Variants in PTK2B observed in about 807,000 individuals in gnomAD.
PTK2B encodes protein tyrosine kinase 2 beta.
PTK2B carries 71 observed loss-of-function variants against 142.9 expected under a neutral mutation model. The ratio of observed to expected loss-of-function variants is 0.50; its 90% confidence interval spans 0.41 to 0.61. PTK2B has a LOEUF of 0.61. Ranked by LOEUF, PTK2B falls within the 20% of genes least tolerant of loss-of-function variation. The pLI is 0.00. For synonymous variants in PTK2B, 519 were observed against 503.4 expected (o/e 1.03, Z -0.42); for missense variants, 1,105 against 1,320.4 (o/e 0.84, Z 2.53).
chr8:27,455,260 C>T (rs534167605), intron 30 of PTK2B, among the ~76,000 whole-genome samples: 58 of 152,200 alleles, frequency 3.8e-4, no homozygotes, highest in Middle Eastern at 3.4e-3. Flanking sequence ...CCTGATCTTA[C>T]AGGGATCTCT....
At chr8:27,431,250 G>C in intron 8 of PTK2B, 148 bp from the exon 9 acceptor site, 1 of 1,525,232 alleles carries the variant, frequency 6.6e-7, no homozygotes, top group Admixed American at 2.0e-5. Flanking sequence ...GTCAGGAGGG[G>C]AAGATCCATA....
Position 27,454,538 on chromosome 8 carries a change from G to T in PTK2B, c.2741G>T (p.Gly914Val). ...EGYVVVVKNV[G>V]LTLRKLIGSV... ...GCCCCTTTCTCCCCCCAGAATGTGG[G>T]GCTGACCCTGCGGAAGCTCATCGGG... The change falls in exon 30 of 31, where the codon GGG becomes GTG. Residue 914 changes from glycine to valine, a missense_variant. Transcript: ENST00000346049. 1.9e-6 allele frequency: 3 copies of T among 1,614,148 alleles called. No individual in the cohort carries two copies. Among genetic ancestry groups the T allele is most frequent in the Non-Finnish European group, 2.5e-6 (3 of 1,180,014 alleles).
intron 3 of PTK2B, among the ~76,000 whole-genome samples, chr8:27,318,556 A>T (rs746366673): frequency 6.6e-6 from 1 of 152,214 alleles, no homozygotes; most frequent in Non-Finnish European, 1.5e-5. Context: ...CTGGGGAGTT[A>T]TGGAAATCCT....
upstream of PTK2B, chr8:27,311,388 G>A (rs1348506887): frequency 1.7e-5 from 17 of 974,076 alleles, no homozygotes; most frequent in South Asian, 1.6e-4. Context: ...GTGCGGGGGG[G>A]ATGGCGAGGG....
At chr8:27,437,909 T>A (rs753104401) in intron 18 of PTK2B, 29 bp downstream of exon 18, 1 of 1,566,180 alleles carries the variant, frequency 6.4e-7, no homozygotes, top group Non-Finnish European at 8.7e-7. Flanking sequence ...GCCAGCGGTA[T>A]GGAAGCCAGG....
At chr8:27,366,592 T>C (rs1806030642) in intron 1 of PTK2B, among the ~76,000 whole-genome samples, 1 of 152,242 alleles carries the variant, frequency 6.6e-6, no homozygotes, top group African/African-American at 2.4e-5. Flanking sequence ...TCTTACCACT[T>C]GGCGTCTAGC....
chr8:27,382,307 ATTAT>A (rs981663218), intron 1 of PTK2B, among the ~76,000 whole-genome samples: 1 of 152,090 alleles, frequency 6.6e-6, no homozygotes, highest in African/African-American at 2.4e-5. Context: ...AAAAATTATT[ATTAT>A]TTACCATTGA....
At chr8:27,458,255 T>C (rs765798985) in intron 30 of PTK2B, 39 bp from the exon 31 acceptor site, 11 of 1,587,534 alleles carry the variant, frequency 6.9e-6, no homozygotes, top group Middle Eastern at 3.3e-4. Context: ...AGCACAGACT[T>C]TGTGGCCTCT....
Position 27,430,166 on chromosome 8 carries a change from G to C in PTK2B, c.614+11G>C. 2 of 1,610,026 alleles carry C rather than the reference G, an allele frequency of 1.2e-6. No individual in the cohort carries two copies. Among genetic ancestry groups the C allele is most frequent in the Non-Finnish European group, 1.7e-6 (2 of 1,176,384 alleles). ...CTTCGAGCTCCTAGAGTAAGTTCTG[G>C]GATCACCCATCTCCCCTCCCTTCCT... On this transcript the variant is annotated intron_variant, in intron 6 of 30. Coordinates refer to ENST00000346049, the MANE Select transcript of PTK2B (RefSeq NM_173176.3).
At chr8:27,336,062 G>A (rs1804043850) in intron 1 of PTK2B, among the ~76,000 whole-genome samples, 1 of 152,126 alleles carries the variant, frequency 6.6e-6, no homozygotes, top group Non-Finnish European at 1.5e-5. Flanking sequence ...CTGGAGAATG[G>A]CTGTAGGTGC....
chr8:27,389,749 CT>C (rs1807596622), intron 1 of PTK2B, among the ~76,000 whole-genome samples: 1 of 152,102 alleles, frequency 6.6e-6, no homozygotes, highest in African/African-American at 2.4e-5. Context: ...GGGAGAAAGC[CT>C]TGGAGAGGAG....
At chr8:27,415,912 G>A (rs1809375859) in intron 2 of PTK2B, among the ~76,000 whole-genome samples, 1 of 152,164 alleles carries the variant, frequency 6.6e-6, no homozygotes, top group Non-Finnish European at 1.5e-5. Flanking sequence ...GATATGCCAT[G>A]TTCATGTATT....
At chr8:27,399,930 A>G (rs1293732254) in intron 2 of PTK2B, among the ~76,000 whole-genome samples, 1 of 152,104 alleles carries the variant, frequency 6.6e-6, no homozygotes, top group Non-Finnish European at 1.5e-5. Flanking sequence ...AGGATTGGAG[A>G]TGGTGGAGGA....
At position 27,458,564 on chromosome 8, in the gene PTK2B, C is replaced by T; in HGVS notation, c.*55C>T. The T allele has an allele frequency of 6.6e-7, 1 of 1,517,236 alleles. No individual in the cohort carries two copies. The highest frequency in any genetic ancestry group is 8.9e-7 in the Non-Finnish European group (1 of 1,123,780). 94.0% of individuals were successfully genotyped at this position (1,517,236 alleles called of 1,614,324 possible). A position where few individuals can be genotyped will look rare whatever the true frequency, so the allele number is the denominator to read the frequency against. On this transcript the variant is annotated 3_prime_UTR_variant, in exon 31 of 31. Coordinates refer to ENST00000346049, the MANE Select transcript of PTK2B (RefSeq NM_173176.3). Reference sequence around the variant, plus strand: ...TCCGCCCCTGCCTGCCATGTACCTCCCCTGCCTTGCTGTTGGTCATGTGGG... The same window carrying T: ...TCCGCCCCTGCCTGCCATGTACCTCTCCTGCCTTGCTGTTGGTCATGTGGG...
At chr8:27,358,069 T>C (rs1805487564) in intron 1 of PTK2B, among the ~76,000 whole-genome samples, 1 of 152,216 alleles carries the variant, frequency 6.6e-6, no homozygotes, top group Admixed American at 6.5e-5. Flanking sequence ...ACTTAGTTCT[T>C]AGCACAATGT....
intron 18 of PTK2B, 66 bp from the exon 19 acceptor site, chr8:27,438,965 T>C (rs542219033): frequency 1.4e-6 from 2 of 1,401,040 alleles, no homozygotes; most frequent in East Asian, 2.3e-5. Flanking sequence ...TGTCTGTCCA[T>C]CTCTCTGTTC....
At chr8:27,388,561 G>A (rs919222680) in intron 1 of PTK2B, among the ~76,000 whole-genome samples, 1 of 152,184 alleles carries the variant, frequency 6.6e-6, no homozygotes, top group African/African-American at 2.4e-5. Context: ...TTGAGGCCAG[G>A]GACCCTGAGA....
upstream of PTK2B, among the ~76,000 whole-genome samples, chr8:27,323,592 A>T (rs1803273073): frequency 6.6e-6 from 1 of 152,130 alleles, no homozygotes; most frequent in East Asian, 1.9e-4. Context: ...TCTTTTAGGG[A>T]TTTCCATGGA....
chr8:27,328,914 C>T (rs1247069802), intron 1 of PTK2B, among the ~76,000 whole-genome samples: 1 of 151,500 alleles, frequency 6.6e-6, no homozygotes, highest in Non-Finnish European at 1.5e-5. Flanking sequence ...TAGAGAAGAT[C>T]TTCAAGGAAG....
Sources: allele counts gnomAD v4.1 joint callset (sites outside exome capture counted in the v4.1 genomes callset), GRCh38; gene constraint gnomAD v4.1.1; transcripts MANE v1.5; gene names NCBI Gene and HGNC (gene_info 2026-07-23, HGNC 2026-07-21).